The following CACNA1A variants were observed in gnomAD, a reference collection of about 807,000 sequenced individuals.
CACNA1A encodes voltage-dependent P/Q-type calcium channel subunit alpha-1A.
Under a neutral mutation model 262.4 loss-of-function variants are expected in CACNA1A, and 57 were observed. The observed-to-expected ratio is 0.22, with a 90% confidence interval of 0.18 to 0.27. CACNA1A has a LOEUF of 0.27. CACNA1A is among the 10% of genes least tolerant of loss of function. CACNA1A has a pLI of 1.00. For missense variants in CACNA1A, 2,526 were observed against 3,562.8 expected (o/e 0.71, Z 7.41); for synonymous variants, 1,431 against 1,419.3 (o/e 1.01, Z -0.18).
At chr19:13,302,471 C>T (rs534010925) in intron 17 of CACNA1A, among the ~76,000 whole-genome samples, 7 of 152,120 alleles carry the variant, frequency 4.6e-5, no homozygotes, top group Non-Finnish European at 7.3e-5. Context: ...GAACTTGGCT[C>T]CTAAGGTTTC....
chr19:13,287,272 G>A (rs747498941), intron 19 of CACNA1A, among the ~76,000 whole-genome samples: 1 of 152,110 alleles, frequency 6.6e-6, no homozygotes, highest in Non-Finnish European at 1.5e-5. Context: ...GATTGCTTGA[G>A]CCTGGGAGGT....
At chr19:13,443,378 G>A (rs918113351) in intron 3 of CACNA1A, among the ~76,000 whole-genome samples, 1 of 152,136 alleles carries the variant, frequency 6.6e-6, no homozygotes, top group Non-Finnish European at 1.5e-5. Context: ...GTCTTGCTCT[G>A]TCACCCAGGC....
intron 37 of CACNA1A, chr19:13,226,275 A>AGGGG (rs2055444404): frequency 2.1e-5 from 1 of 46,676 alleles, no homozygotes; most frequent in African/African-American, 9.5e-5. Context: ...GGGGGGCGGC[A>AGGGG]GGGAGGGGCA....
Position 13,422,573 on chromosome 19 carries a change from T to A in CACNA1A, c.539+30303A>T, listed in dbSNP as rs367977898. 4.6e-5 allele frequency among the ~76,000 whole-genome samples: 7 copies of A among 152,186 alleles called. No individual in the cohort carries two copies. In the East Asian group the frequency reaches 7.7e-4, roughly 17 times the overall value. ...GGCTGGCTCCTGGAAAGAATATCTG[T>A]ATATCTAGGGCTTTGGGCCATGCCT... is the stretch of plus-strand genomic sequence containing the variant. On this transcript the variant is annotated intron_variant, in intron 3 of 46. Coordinates refer to ENST00000360228, the MANE Select transcript of CACNA1A (RefSeq NM_001127222.2).
intron 1 of CACNA1A, among the ~76,000 whole-genome samples, chr19:13,461,179 A>C (rs577097115): frequency 7.9e-5 from 12 of 152,196 alleles, no homozygotes; most frequent in African/African-American, 2.9e-4. Flanking sequence ...GTCTCTACTA[A>C]AAATACAAAA....
intron 3 of CACNA1A, among the ~76,000 whole-genome samples, chr19:13,446,951 C>T (rs537878978): frequency 6.1e-4 from 93 of 152,160 alleles, no homozygotes; most frequent in Non-Finnish European, 9.9e-4. Context: ...GGACACTAAA[C>T]AGCACCTTGG....
intron 4 of CACNA1A, among the ~76,000 whole-genome samples, chr19:13,367,095 A>G (rs1285102457): frequency 6.6e-6 from 1 of 151,940 alleles, no homozygotes; most frequent in Admixed American, 6.6e-5. Flanking sequence ...GGAGTTCAAG[A>G]CAAGTCTGGC....
Position 13,208,931 on chromosome 19 carries a change from G to C in CACNA1A, c.6605C>G (p.Pro2202Arg), listed in dbSNP as rs1274275338. ...SKERDQERGRPKDRKHRQHHH... is the reference protein window; with the variant it reads ...SKERDQERGRRKDRKHRQHHH... The stretch of plus-strand genomic sequence containing the variant: ...GTGCTGTCGATGCTTCCGATCCTTG[G>C]GCCGGCCCCGCTCCTGGTCCCGCTC... The change falls in exon 46 of 47, where the codon CCC becomes CGC. Residue 2202 changes from proline to arginine, a missense_variant. Pro to Arg is a moderately radical substitution (Grantham distance 103, BLOSUM62 -2). Transcript: ENST00000360228. The C allele has an allele frequency of 6.5e-7, 1 of 1,537,410 alleles. No homozygotes were observed. The highest frequency in any genetic ancestry group is 2.0e-5 in the Admixed American group (1 of 50,994).
chr19:13,452,866 C>A lies in CACNA1A; in HGVS notation c.539+10G>T, dbSNP rs375079448. 6 of 1,612,764 alleles carry A rather than the reference C, an allele frequency of 3.7e-6. No individual in the cohort carries two copies. The highest frequency in any genetic ancestry group is 1.7e-5 in the Admixed American group (1 of 59,956). On this transcript the variant is annotated intron_variant, in intron 3 of 46. Transcript: ENST00000360228. ...AGTTAAATCCAAAGCGTATAGCACGCGCCACTTACCCCGTTAGCACCACCA... is the reference window on the plus strand; with the variant it reads ...AGTTAAATCCAAAGCGTATAGCACGAGCCACTTACCCCGTTAGCACCACCA...
At chr19:13,240,709 A>C (rs1259343025) in intron 31 of CACNA1A, among the ~76,000 whole-genome samples, 1 of 142,744 alleles carries the variant, frequency 7.0e-6, no homozygotes, top group Non-Finnish European at 1.5e-5. Flanking sequence ...GTGTGTGCAT[A>C]GTGACTGTGT....
chr19:13,454,777 A>T (rs1312405218), intron 2 of CACNA1A, among the ~76,000 whole-genome samples: 1 of 152,074 alleles, frequency 6.6e-6, no homozygotes, highest in Non-Finnish European at 1.5e-5. Flanking sequence ...ACCTAGTGAG[A>T]TCCCCATCTC....
At chr19:13,501,102 G>A (rs1027932449) in intron 1 of CACNA1A, among the ~76,000 whole-genome samples, 6 of 152,022 alleles carry the variant, frequency 3.9e-5, no homozygotes, top group African/African-American at 1.5e-4. Context: ...CTTGATTTGG[G>A]TGGTGGCCAC....
chr19:13,477,092 C>T (rs1243314130), intron 1 of CACNA1A, among the ~76,000 whole-genome samples: 1 of 152,208 alleles, frequency 6.6e-6, no homozygotes, highest in Non-Finnish European at 1.5e-5. Context: ...CTCTTGCTCA[C>T]TGGCTTCAGC....
In CACNA1A at chr19:13,207,621, G is replaced by A. The variant is rs1359445604; in HGVS notation, c.7213C>T (p.Arg2405Trp). 4.8e-5 allele frequency: 71 copies of A among 1,478,044 alleles called. No individual in the cohort carries two copies. Among genetic ancestry groups the A allele is most frequent in the Admixed American group, 9.0e-5 (4 of 44,292 alleles). The allele number at this position is 1,478,044 out of a possible 1,614,324, so 91.6% of individuals were successfully genotyped here. The change falls in exon 47 of 47, where the codon CGG becomes TGG. Residue 2405 changes from arginine to tryptophan, a missense_variant. Physicochemically the swap from Arg to Trp is moderately radical, Grantham distance 101. Coordinates refer to ENST00000360228, the MANE Select transcript of CACNA1A (RefSeq NM_001127222.2). This position sits in a 1 kb window ranked among gnomAD's most constrained non-coding sequence, Gnocchi z 5.7. ...GAGCCCCGGTAGTAGCCATGGTGCC[G>A]GGGACCCGGGGGCCCCTCGGACACG... Reference protein sequence around the residue: ...PHVSEGPPGPRHHGYYRGSDY... With the variant: ...PHVSEGPPGPWHHGYYRGSDY...
rs28847155 is a variant in CACNA1A at position 13,457,357 on chromosome 19, G to A, written c.294-2145C>T. ...AAAGTTAATCACAGAGTTACCATGTGACACACAGTAACTCCACTCCAAGGT... is the reference window on the plus strand; with the variant it reads ...AAAGTTAATCACAGAGTTACCATGTAACACACAGTAACTCCACTCCAAGGT... On this transcript the variant is annotated intron_variant, in intron 1 of 46. Transcript: ENST00000360228. Among the ~76,000 whole-genome samples, 388 of 152,254 alleles carry A rather than the reference G, an allele frequency of 2.5e-3. 4 individuals are homozygous for A. Among genetic ancestry groups the A allele is most frequent in the African/African-American group, 8.9e-3 (371 of 41,536 alleles).
At chr19:13,368,830 A>G (rs2059265875) in intron 4 of CACNA1A, among the ~76,000 whole-genome samples, 1 of 130,294 alleles carries the variant, frequency 7.7e-6, no homozygotes, top group Non-Finnish European at 1.5e-5. Flanking sequence ...CGAGGTCAGG[A>G]GATCGAGACC....
At chr19:13,454,382 C>G (rs8105344) in intron 2 of CACNA1A, among the ~76,000 whole-genome samples, 27,317 of 151,508 alleles carry the variant, frequency 0.18, 3,281 homozygotes, top group East Asian at 0.33. Context: ...TCGCCTCCCC[C>G]CCACCAAGAT....
intron 1 of CACNA1A, among the ~76,000 whole-genome samples, chr19:13,497,591 G>T (rs1981847349): frequency 2.4e-4 from 20 of 82,140 alleles, no homozygotes; most frequent in Admixed American, 3.5e-4. Context: ...AATTTATGTT[G>T]TTAAAGCTGG....
intron 34 of CACNA1A, 65 bp from the exon 35 acceptor site, chr19:13,231,925 G>A: frequency 6.5e-7 from 1 of 1,535,362 alleles, no homozygotes; most frequent in South Asian, 1.2e-5. Context: ...CGCCTCCCCA[G>A]GAGGTGGAGC....
Sources: gnomAD v4.1 joint callset for allele counts (sites outside exome capture counted in the v4.1 genomes callset) on GRCh38, gnomAD v4.1.1 for gene constraint, Gnocchi (gnomAD v3.1) non-coding constraint, MANE v1.5 for transcripts, NCBI Gene and HGNC (gene_info 2026-07-23, HGNC 2026-07-21) for gene names.